The following METTL25 variants were observed in gnomAD, a reference collection of about 807,000 sequenced individuals.
The protein encoded by METTL25 is methyltransferase like 25, also known as probable methyltransferase-like protein 25.
A neutral mutation model predicts 71.6 loss-of-function variants in METTL25; 64 were observed. The ratio of observed to expected loss-of-function variants is 0.89; its 90% confidence interval spans 0.73 to 1.10. The LOEUF (loss-of-function observed/expected upper bound fraction) is 1.10. METTL25 is among the 50% of genes least tolerant of loss of function. The probability of loss-of-function intolerance (pLI) is 0.00; values close to 1 mark genes in which losing one functional copy is unlikely to be tolerated. For missense variants in METTL25, 807 were observed against 707.0 expected (o/e 1.14, Z -1.60); for synonymous variants, 287 against 250.3 (o/e 1.15, Z -1.38).
chr12:82,386,190 C>G (rs1253532117), intron 1 of METTL25, among the ~76,000 whole-genome samples: 1 of 152,100 alleles, frequency 6.6e-6, no homozygotes, highest in African/African-American at 2.4e-5. Flanking sequence ...GCATTGAGCA[C>G]GTGCACCCCG....
intron 1 of METTL25, among the ~76,000 whole-genome samples, chr12:82,373,484 G>A (rs577052555): frequency 6.6e-6 from 1 of 152,276 alleles, no homozygotes; most frequent in East Asian, 1.9e-4. Flanking sequence ...TCATATAGGA[G>A]AAACTAGAAA....
At chr12:82,412,379 T>C (rs994985934) in intron 5 of METTL25, among the ~76,000 whole-genome samples, 2 of 152,254 alleles carry the variant, frequency 1.3e-5, no homozygotes, top group Non-Finnish European at 2.9e-5. Context: ...AAATGTTTAA[T>C]GGTTGGCTCT....
At chr12:82,462,356 C>A (rs755416162) in intron 9 of METTL25, among the ~76,000 whole-genome samples, 10 of 152,054 alleles carry the variant, frequency 6.6e-5, no homozygotes, top group Non-Finnish European at 1.2e-4. Flanking sequence ...TTTCCCTATT[C>A]CCCACTTCAC....
chr12:82,441,747 G>A (rs1231026353), intron 8 of METTL25, among the ~76,000 whole-genome samples: 4 of 148,000 alleles, frequency 2.7e-5, no homozygotes, highest in Non-Finnish European at 5.9e-5. Flanking sequence ...GAAGCGGGCA[G>A]GCCTAGAAAA....
chr12:82,399,327 T>C lies in METTL25; in HGVS notation c.1064T>C (p.Ile355Thr), dbSNP rs1286955799. ...ACATCAAAGTCAAGTGAATCAAATA[T>C]ATATTCACCTTTAACCTCTTTTATC... ...KMTSKSSESN[I>T]YSPLTSFITA... Residue 355 changes from isoleucine (I) to threonine (T), a missense_variant, in exon 4 of 12, where the codon ATA becomes ACA. By Grantham distance (89) the Ile-to-Thr change is moderately conservative. Transcript: ENST00000248306. The C allele has an allele frequency of 2.5e-6, 4 of 1,610,352 alleles. No homozygotes were observed. Among genetic ancestry groups the C allele is most frequent in the East Asian group, 2.2e-5 (1 of 44,748 alleles).
At chr12:82,448,012 C>A (rs1250760310) in intron 8 of METTL25, among the ~76,000 whole-genome samples, 1 of 152,050 alleles carries the variant, frequency 6.6e-6, no homozygotes, top group African/African-American at 2.4e-5. Flanking sequence ...AAGATTTTCA[C>A]CATCCCATTC....
intron 9 of METTL25, chr12:82,476,426 G>C (rs1892881858): frequency 2.3e-6 from 1 of 435,232 alleles, no homozygotes; most frequent in East Asian, 4.0e-5. Flanking sequence ...GTTGCTGGTG[G>C]TTTTATTTAT....
At chr12:82,444,152 AAAAGAC>A (rs1411237816) in intron 8 of METTL25, among the ~76,000 whole-genome samples, 37 of 152,314 alleles carry the variant, frequency 2.4e-4, no homozygotes, top group Non-Finnish European at 1.5e-5. Context: ...TCTCAAAAGT[AAAAGAC>A]AAAGAAAGGA....
intron 7 of METTL25, chr12:82,438,493 A>G (rs901539891): frequency 3.1e-6 from 1 of 322,088 alleles, no homozygotes; most frequent in African/African-American, 2.3e-5. Context: ...CTTATTCACT[A>G]CTGTTTCTTT....
chr12:82,371,336 G>A (rs550016257), intron 1 of METTL25, among the ~76,000 whole-genome samples: 7 of 152,322 alleles, frequency 4.6e-5, no homozygotes, highest in South Asian at 2.1e-4. Flanking sequence ...CTCCTGGCCC[G>A]GAGAATCTTT....
intron 9 of METTL25, among the ~76,000 whole-genome samples, chr12:82,466,036 T>G (rs1892210872): frequency 6.6e-6 from 1 of 151,256 alleles, no homozygotes; most frequent in Non-Finnish European, 1.5e-5. Flanking sequence ...ATTTTGTTTA[T>G]CTTTTCAAAA....
At chr12:82,395,825 G>A (rs1407870401) in intron 3 of METTL25, among the ~76,000 whole-genome samples, 1 of 151,982 alleles carries the variant, frequency 6.6e-6, no homozygotes, top group Non-Finnish European at 1.5e-5. Context: ...AGGAGATCAG[G>A]GTGGTGGGGA....
Position 82,382,559 on chromosome 12 carries a change from A to G in METTL25, c.260-4244A>G, listed in dbSNP as rs139688652. Among the ~76,000 whole-genome samples the G allele has an allele frequency of 2.7e-3, 408 of 152,290 alleles. 1 individual carries two copies. Among genetic ancestry groups the G allele is most frequent in the African/African-American group, 9.5e-3 (396 of 41,558 alleles). The stretch of plus-strand genomic sequence containing the variant: ...CTGAGGGATTGCTGTCATTCATGCA[A>G]TTCATTCATGCCTTGTGCAAAGTAT... On this transcript the variant is annotated intron_variant, in intron 1 of 11. Coordinates refer to ENST00000248306, the MANE Select transcript of METTL25 (RefSeq NM_032230.3).
At chr12:82,429,741 G>A (rs997320919) in intron 5 of METTL25, among the ~76,000 whole-genome samples, 1 of 151,486 alleles carries the variant, frequency 6.6e-6, no homozygotes, top group Non-Finnish European at 1.5e-5. Flanking sequence ...TTTCAGAAAT[G>A]TCTGTTCAGA....
At chr12:82,433,005 C>G (rs1286078407) in intron 6 of METTL25, among the ~76,000 whole-genome samples, 1 of 151,470 alleles carries the variant, frequency 6.6e-6, no homozygotes, top group Non-Finnish European at 1.5e-5. Context: ...GATAAAACTT[C>G]TAAATTATTC....
chr12:82,367,689 T>C (rs1019427940), intron 1 of METTL25, among the ~76,000 whole-genome samples: 4 of 152,206 alleles, frequency 2.6e-5, no homozygotes, highest in Non-Finnish European at 5.9e-5. Flanking sequence ...AGATTTATTG[T>C]CCAAAACCGT....
At chr12:82,372,150 C>T (rs1459116661) in intron 1 of METTL25, among the ~76,000 whole-genome samples, 2 of 152,178 alleles carry the variant, frequency 1.3e-5, no homozygotes, top group East Asian at 3.9e-4. Context: ...TAAAGGTTTG[C>T]CCTAGACCCT....
At chr12:82,369,582 A>C (rs1366650614) in intron 1 of METTL25, 1 of 348,730 alleles carries the variant, frequency 2.9e-6, no homozygotes, top group Non-Finnish European at 5.6e-6. Flanking sequence ...CAGCTCTTAA[A>C]GGTGATGCAG....
chr12:82,451,667 A>C (rs1485231546), intron 8 of METTL25, among the ~76,000 whole-genome samples: 1 of 152,158 alleles, frequency 6.6e-6, no homozygotes, highest in Non-Finnish European at 1.5e-5. Flanking sequence ...TGAAAAACAC[A>C]GGAAAATCAT....
Sources: allele counts gnomAD v4.1 joint callset (sites outside exome capture counted in the v4.1 genomes callset), GRCh38; gene constraint gnomAD v4.1.1; transcripts MANE v1.5; gene names NCBI Gene and HGNC (gene_info 2026-07-23, HGNC 2026-07-21).